RASSF8: variants seen among roughly 807,000 people sequenced by gnomAD.
RASSF8 encodes the protein ras association domain-containing protein 8.
RASSF8 carries 22 observed loss-of-function variants against 48.5 expected under a neutral mutation model. The ratio of observed to expected loss-of-function variants is 0.45; its 90% CI spans 0.32 to 0.65. The LOEUF (loss-of-function observed/expected upper bound fraction) is 0.65, where lower values mean the gene tolerates loss of function less well. Ranked by LOEUF, RASSF8 falls within the 30% of genes least tolerant of loss-of-function variation. The pLI is 0.03. For missense variants in RASSF8, 418 were observed against 489.2 expected (o/e 0.85, Z 1.37); for synonymous variants, 127 against 171.5 (o/e 0.74, Z 2.03).
In RASSF8 at chr12:26,008,272, A is replaced by C. The variant is rs1942439569; in HGVS notation, c.-109+13142A>C. Among the ~76,000 whole-genome samples, 3 of 152,164 alleles carry C rather than the reference A, an allele frequency of 2.0e-5. No individual in the cohort carries two copies. The South Asian group carries it at 6.2e-4, about 32-fold the overall frequency. On this transcript the variant is annotated intron_variant, in intron 2 of 5. Transcript: ENST00000689635. ...GGCAACACAGCGAGACTCCGTTTAAAAAAAAAAAATTATCACTTAAATGTT... is the reference window on the plus strand; with the variant it reads ...GGCAACACAGCGAGACTCCGTTTAACAAAAAAAAATTATCACTTAAATGTT...
chr12:26,067,472 C>A, intron 4 of RASSF8, 97 bp from the exon 5 acceptor site: 1 of 1,261,344 alleles, frequency 7.9e-7, no homozygotes, highest in Non-Finnish European at 1.1e-6. Context: ...GCAGATGTTG[C>A]ACATTTAACC....
Position 25,992,836 on chromosome 12 carries a change from A to G in RASSF8, c.-202-2201A>G, listed in dbSNP as rs149368501. ...CTTCCTAGGTACTCGCACACCTGCC[A>G]GAGCTCATGTTTGTATTTATGGTTA... On this transcript the variant is annotated intron_variant, in intron 1 of 5. Transcript: ENST00000689635. Among the ~76,000 whole-genome samples the G allele has an allele frequency of 9.2e-5, 14 of 152,160 alleles. No homozygotes were observed. In the East Asian group the frequency reaches 2.3e-3, roughly 25 times the overall value.
Position 26,064,677 on chromosome 12 carries a change from C to T in RASSF8, c.283C>T (p.Arg95Ter), listed in dbSNP as rs1348257516. ...GCGACCCACTTCAGACAGTGTGGCT[C>T]GAATTCCTGAAAGAACTTTATACAG... is the stretch of plus-strand genomic sequence containing the variant. ...SERPTSDSVARIPERTLYRQS... is the reference protein window; with the variant it reads ...SERPTSDSVA The change falls in exon 4 of 6, where the codon CGA becomes TGA. Residue 95 changes from arginine to a stop codon, truncating the protein, a stop_gained. Coordinates refer to ENST00000689635, the MANE Select transcript of RASSF8 (RefSeq NM_001394098.1). LOFTEE classifies it high-confidence loss of function. 6.2e-7 allele frequency: 1 copy of T among 1,614,022 alleles called. No homozygotes were observed. Among genetic ancestry groups the T allele is most frequent in the Non-Finnish European group, 8.5e-7 (1 of 1,179,978 alleles).
At chr12:26,033,906 G>T (rs1026019476) in intron 2 of RASSF8, among the ~76,000 whole-genome samples, 1 of 151,996 alleles carries the variant, frequency 6.6e-6, no homozygotes. Context: ...GTAAAATGGG[G>T]ATGAGAATAA....
At chr12:26,056,746 C>G (rs1342154507) in intron 3 of RASSF8, among the ~76,000 whole-genome samples, 2 of 152,202 alleles carry the variant, frequency 1.3e-5, no homozygotes, top group Non-Finnish European at 2.9e-5. Context: ...GCTGAAAATT[C>G]TGGGCTTTCA....
At chr12:25,970,589 G>A (rs528179368) in intron 1 of RASSF8, among the ~76,000 whole-genome samples, 1 of 152,176 alleles carries the variant, frequency 6.6e-6, no homozygotes, top group South Asian at 2.1e-4. Context: ...ATGAGCTCTT[G>A]GACACAGAAA....
At chr12:26,019,435 C>G (rs1942732812) in intron 2 of RASSF8, among the ~76,000 whole-genome samples, 1 of 152,142 alleles carries the variant, frequency 6.6e-6, no homozygotes, top group African/African-American at 2.4e-5. Flanking sequence ...AAAATGTAGT[C>G]TCATTACATT....
At chr12:26,040,719 A>G (rs1943245518) in intron 2 of RASSF8, among the ~76,000 whole-genome samples, 1 of 152,166 alleles carries the variant, frequency 6.6e-6, no homozygotes, top group Non-Finnish European at 1.5e-5. Flanking sequence ...CCATTTTAAT[A>G]GCAAGGTAAC....
chr12:25,976,948 G>A (rs1172637056), intron 1 of RASSF8, among the ~76,000 whole-genome samples: 1 of 152,050 alleles, frequency 6.6e-6, no homozygotes, highest in South Asian at 2.1e-4. Context: ...ACGTTTCCCT[G>A]GTCCACAGTT....
intron 2 of RASSF8, among the ~76,000 whole-genome samples, chr12:26,024,694 C>T (rs934553257): frequency 6.6e-6 from 1 of 152,208 alleles, no homozygotes; most frequent in East Asian, 1.9e-4. Flanking sequence ...CTGTGGCTCA[C>T]GCCCGTAATA....
chr12:26,072,203 T>C lies in RASSF8; in HGVS notation c.*3385T>C, dbSNP rs914163018. 2.1e-5 allele frequency: 20 copies of C among 970,460 alleles called. No homozygotes were observed. The African/African-American group carries it at 3.3e-4, about 16-fold the overall frequency. 60.1% of individuals were successfully genotyped at this position (970,460 alleles called of 1,614,324 possible). On this transcript the variant is annotated 3_prime_UTR_variant, in exon 6 of 6. Coordinates refer to ENST00000689635, the MANE Select transcript of RASSF8 (RefSeq NM_001394098.1). Reference sequence around the variant, plus strand: ...TTGTCTTTATTGGTTTATATTGTGTTAAAATTAGCTTATAATTATTACTTT... The same window carrying C: ...TTGTCTTTATTGGTTTATATTGTGTCAAAATTAGCTTATAATTATTACTTT...
At chr12:25,961,354 G>A (rs1941230109) in intron 1 of RASSF8, among the ~76,000 whole-genome samples, 1 of 152,154 alleles carries the variant, frequency 6.6e-6, no homozygotes, top group African/African-American at 2.4e-5. Flanking sequence ...AAGTAAAAGT[G>A]GAGTGGGAAT....
At chr12:26,035,448 G>T (rs11048387) in intron 2 of RASSF8, among the ~76,000 whole-genome samples, 1,663 of 45,568 alleles carry the variant, frequency 0.036, 14 homozygotes, top group African/African-American at 0.044. Flanking sequence ...TATAATATAA[G>T]TATATGAAAT....
At chr12:26,033,515 T>C (rs1330871964) in intron 2 of RASSF8, among the ~76,000 whole-genome samples, 2 of 152,142 alleles carry the variant, frequency 1.3e-5, no homozygotes, top group African/African-American at 4.8e-5. Context: ...TGTAAGTGGT[T>C]TTGCTAGAAA....
At chr12:26,012,032 G>C (rs1055204290) in intron 2 of RASSF8, among the ~76,000 whole-genome samples, 1 of 152,042 alleles carries the variant, frequency 6.6e-6, no homozygotes, top group Admixed American at 6.5e-5. Flanking sequence ...AATGTTTTTT[G>C]AAACAATTAG....
At position 26,065,197 on chromosome 12, in the gene RASSF8, T is replaced by C. The variant is rs368642070; in HGVS notation, c.803T>C (p.Met268Thr). The change falls in exon 4 of 6, where the codon ATG becomes ACG. Residue 268 changes from methionine (M) to threonine (T), a missense_variant. Met to Thr is a moderately conservative substitution (Grantham distance 81). Coordinates refer to ENST00000689635, the MANE Select transcript of RASSF8 (RefSeq NM_001394098.1). ...LKDYLAQIRT[M>T]ESGLEAEKLQ... is the part of the protein sequence containing the mutation. Reference sequence around the variant, plus strand: ...GACTATTTGGCACAGATCCGGACTATGGAAAGTGGTCTTGAAGCAGAAAAA... The same window carrying C: ...GACTATTTGGCACAGATCCGGACTACGGAAAGTGGTCTTGAAGCAGAAAAA... The C allele has an allele frequency of 3.1e-6, 5 of 1,613,984 alleles. No homozygotes were observed. Among genetic ancestry groups the C allele is most frequent in the Non-Finnish European group, 4.2e-6 (5 of 1,180,008 alleles).
intron 3 of RASSF8, among the ~76,000 whole-genome samples, chr12:26,057,356 CTA>C (rs1287991165): frequency 6.6e-6 from 1 of 152,144 alleles, no homozygotes. Flanking sequence ...CAGTTCCCAC[CTA>C]TGAGTGAGAA....
chr12:26,057,590 G>A (rs1038000559), intron 3 of RASSF8, among the ~76,000 whole-genome samples: 5 of 152,092 alleles, frequency 3.3e-5, no homozygotes, highest in East Asian at 1.9e-4. Context: ...ATAAACATAC[G>A]TGTGCGTGTG....
At chr12:25,976,898 G>GT (rs1004810282) in intron 1 of RASSF8, among the ~76,000 whole-genome samples, 1 of 152,130 alleles carries the variant, frequency 6.6e-6, no homozygotes, top group South Asian at 2.1e-4. Context: ...GGACCTCCTG[G>GT]TTTTGCACGA....
Sources: allele counts gnomAD v4.1 joint callset (sites outside exome capture counted in the v4.1 genomes callset), GRCh38; gene constraint gnomAD v4.1.1; transcripts MANE v1.5; gene names NCBI Gene and HGNC (gene_info 2026-07-23, HGNC 2026-07-21).